Variants in SGMS1 observed in about 807,000 individuals in gnomAD.
The protein encoded by SGMS1 is sphingomyelin synthase 1, also known as phosphatidylcholine:ceramide cholinephosphotransferase 1.
SGMS1 carries 13 observed loss-of-function variants against 46.2 expected under a neutral mutation model. That is an observed-to-expected ratio of 0.28 (90% CI 0.18 to 0.45). The LOEUF (loss-of-function observed/expected upper bound fraction) is 0.45. Ranked by LOEUF, SGMS1 falls within the 20% of genes least tolerant of loss-of-function variation. SGMS1 has a pLI of 1.00. For missense variants in SGMS1, 324 were observed against 519.9 expected (o/e 0.62, Z 3.66); for synonymous variants, 203 against 187.8 (o/e 1.08, Z -0.66).
At chr10:50,528,358 A>C (rs1439532943) in intron 2 of SGMS1, among the ~76,000 whole-genome samples, 1 of 152,018 alleles carries the variant, frequency 6.6e-6, no homozygotes, top group Non-Finnish European at 1.5e-5. Flanking sequence ...TTCAAAAACC[A>C]CTCGGGGGTT....
intron 2 of SGMS1, among the ~76,000 whole-genome samples, chr10:50,585,605 A>G (rs2131883456): frequency 1.3e-5 from 2 of 152,340 alleles, no homozygotes; most frequent in South Asian, 4.1e-4. Context: ...CGCTACCTGC[A>G]TAACTAGAAG....
chr10:50,370,192 A>G (rs1848412820), intron 6 of SGMS1, among the ~76,000 whole-genome samples: 1 of 152,154 alleles, frequency 6.6e-6, no homozygotes, highest in African/African-American at 2.4e-5. Context: ...TCAACACTGC[A>G]CACTTAGGGT....
chr10:50,401,654 G>A (rs1848942420), intron 6 of SGMS1, among the ~76,000 whole-genome samples: 1 of 152,102 alleles, frequency 6.6e-6, no homozygotes, highest in South Asian at 2.1e-4. Context: ...AAAAGCTCCT[G>A]AAATTTTCTT....
At chr10:50,574,533 C>A (rs1331705808) in intron 2 of SGMS1, among the ~76,000 whole-genome samples, 1 of 152,152 alleles carries the variant, frequency 6.6e-6, no homozygotes, top group Non-Finnish European at 1.5e-5. Context: ...AACCCTTGCA[C>A]ACTACTGGTG....
intron 2 of SGMS1, among the ~76,000 whole-genome samples, chr10:50,577,742 C>T (rs1202907122): frequency 3.3e-5 from 5 of 152,212 alleles, no homozygotes; most frequent in African/African-American, 9.6e-5. Context: ...GTTTTGCACA[C>T]AGCCCTGCAC....
At chr10:50,469,227 T>C (rs555825433) in intron 3 of SGMS1, among the ~76,000 whole-genome samples, 9 of 152,248 alleles carry the variant, frequency 5.9e-5, no homozygotes, top group Non-Finnish European at 1.2e-4. Context: ...TAGTGATTCA[T>C]TCACTATTTT....
intron 8 of SGMS1, among the ~76,000 whole-genome samples, chr10:50,314,159 A>G (rs1010574835): frequency 2.6e-5 from 4 of 152,134 alleles, no homozygotes; most frequent in African/African-American, 9.7e-5. Context: ...TAGAGGCATA[A>G]ATTCTGTCAA....
At position 50,327,254 on chromosome 10, in the gene SGMS1, T is replaced by C; in HGVS notation, c.692A>G (p.Tyr231Cys). The change falls in exon 8 of 11, where the codon TAT (tyrosine) becomes TGT (cysteine). Residue 231 changes from tyrosine to cysteine, a missense_variant. Physicochemically the swap from Tyr to Cys is radical, Grantham distance 194. Transcript: ENST00000361781. ...TLYLYRCITM[Y>C]VTTLPVPGMH... ...ACCAGGTACTGGGAGTGTAGTTACA[T>C]ACATTGTAATACACCGATACAGGTA... is the stretch of plus-strand genomic sequence containing the variant. The C allele has an allele frequency of 6.2e-7, 1 of 1,609,720 alleles. No homozygotes were observed. The highest frequency in any genetic ancestry group is 8.5e-7 in the Non-Finnish European group (1 of 1,177,376).
chr10:50,536,924 C>G (rs1838007204), intron 2 of SGMS1, among the ~76,000 whole-genome samples: 2 of 152,168 alleles, frequency 1.3e-5, no homozygotes, highest in African/African-American at 2.4e-5. Context: ...ATTTAGGCAT[C>G]CTCAGAGTGA....
At chr10:50,557,675 ACT>A (rs377612945) in intron 2 of SGMS1, among the ~76,000 whole-genome samples, 5 of 148,372 alleles carry the variant, frequency 3.4e-5, no homozygotes, top group African/African-American at 9.9e-5. Context: ...AAACACACAA[ACT>A]CTAACAGCAA....
intron 6 of SGMS1, among the ~76,000 whole-genome samples, chr10:50,374,260 C>T (rs1260962718): frequency 6.6e-6 from 1 of 152,182 alleles, no homozygotes; most frequent in Non-Finnish European, 1.5e-5. Context: ...ATGGTTGCTG[C>T]CTAACTAGGT....
intron 3 of SGMS1, among the ~76,000 whole-genome samples, chr10:50,488,361 T>C (rs1837540380): frequency 6.6e-6 from 1 of 152,158 alleles, no homozygotes; most frequent in South Asian, 2.1e-4. Flanking sequence ...CAATTTCACA[T>C]AGTCTTCTTG....
intron 6 of SGMS1, among the ~76,000 whole-genome samples, chr10:50,421,751 G>A (rs534173552): frequency 1.3e-5 from 2 of 152,064 alleles, no homozygotes; most frequent in Non-Finnish European, 2.9e-5. Flanking sequence ...GGGGGCCTCC[G>A]AGTGTGCCAT....
intron 5 of SGMS1, among the ~76,000 whole-genome samples, chr10:50,455,832 T>C (rs1837184357): frequency 6.6e-6 from 1 of 152,220 alleles, no homozygotes; most frequent in African/African-American, 2.4e-5. Context: ...ACCAGTCTCC[T>C]GTTGGCCTTT....
chr10:50,568,749 T>A (rs1838312026), intron 2 of SGMS1, among the ~76,000 whole-genome samples: 1 of 152,178 alleles, frequency 6.6e-6, no homozygotes, highest in Non-Finnish European at 1.5e-5. Flanking sequence ...ACTTTTCCCC[T>A]ATATTAATGA....
chr10:50,365,716 G>C (rs549529050), intron 6 of SGMS1, among the ~76,000 whole-genome samples: 91 of 152,216 alleles, frequency 6.0e-4, no homozygotes, highest in Admixed American at 6.0e-3. Context: ...AGTTTGCTGA[G>C]GACGATTACT....
At chr10:50,327,550 T>C (rs937520069) in intron 7 of SGMS1, among the ~76,000 whole-genome samples, 3 of 152,178 alleles carry the variant, frequency 2.0e-5, no homozygotes, top group Non-Finnish European at 4.4e-5. Context: ...CTTAAACTGG[T>C]TTATATTGCT....
chr10:50,332,224 G>T (rs1008094608), intron 7 of SGMS1, among the ~76,000 whole-genome samples: 5 of 152,080 alleles, frequency 3.3e-5, no homozygotes, highest in Admixed American at 1.3e-4. Flanking sequence ...TGACCTTGGG[G>T]CTCTTTGAAC....
chr10:50,590,681 T>C (rs1229537740), intron 1 of SGMS1: 1 of 152,200 alleles, frequency 6.6e-6, no homozygotes, highest in Non-Finnish European at 1.5e-5. Flanking sequence ...CAAGAAAACT[T>C]GCTAGATAAA....
Sources: allele counts gnomAD v4.1 joint callset (sites outside exome capture counted in the v4.1 genomes callset), GRCh38; gene constraint gnomAD v4.1.1; transcripts MANE v1.5; gene names NCBI Gene and HGNC (gene_info 2026-07-23, HGNC 2026-07-21).